Variants in DNAH2 observed in about 807,000 individuals in gnomAD.
The protein encoded by DNAH2 is dynein axonemal heavy chain 2, also known as axonemal beta dynein heavy chain 2.
In DNAH2, 323 loss-of-function variants were observed where a neutral mutation model predicts 523.5. The observed-to-expected ratio is 0.62, with a 90% CI of 0.56 to 0.68. The LOEUF is 0.68. Among genes scored for constraint, DNAH2 ranks in the 30% least tolerant of loss-of-function variants. The pLI is 0.00. For synonymous variants in DNAH2, 2,093 were observed against 2,177.4 expected, an observed-to-expected ratio of 0.96 and a Z score of 1.08; for missense variants, 4,907 against 5,701.5, an observed-to-expected ratio of 0.86 and a Z score of 4.49.
rs375080867 is a variant in DNAH2, at chr17:7,799,497, A to G, written c.8699+255A>G. On this transcript the variant is annotated intron_variant, in intron 56 of 85. Coordinates refer to ENST00000572933, the MANE Select transcript of DNAH2 (RefSeq NM_020877.5). ...GGTGGCTTTTTGGTTTTGTTTTGTC[A>G]TTGTAAATCTAATTGTGGTTAAAAA... Among the ~76,000 whole-genome samples the G allele has an allele frequency of 9.2e-5, 14 of 152,114 alleles. No homozygotes were observed. The East Asian group carries it at 2.3e-3, about 25-fold the overall frequency.
rs772662820 is a variant in DNAH2, at chr17:7,787,054, C to T, written c.6603+21C>T. 3.1e-6 allele frequency: 5 copies of T among 1,612,768 alleles called. No individual in the cohort carries two copies. The South Asian group carries it at 3.3e-5, about 11-fold the overall frequency. ...AGCAGGTCAGGGACGCGGCTGACTCCTGGAGGCCTGCAGAGGCAGGCACCG... is the reference window on the plus strand; with the variant it reads ...AGCAGGTCAGGGACGCGGCTGACTCTTGGAGGCCTGCAGAGGCAGGCACCG... On this transcript the variant is annotated intron_variant, in intron 42 of 85. Coordinates refer to ENST00000572933, the MANE Select transcript of DNAH2 (RefSeq NM_020877.5).
rs1343030453 is a variant in DNAH2, at chr17:7,727,371, C to T, written c.399+79C>T. The T allele has an allele frequency of 7.2e-6, 11 of 1,530,452 alleles. No individual in the cohort carries two copies. In the Admixed American group the frequency reaches 1.2e-4, roughly 16 times the overall value. The allele number at this position is 1,530,452 out of a possible 1,614,324, so 94.8% of individuals were successfully genotyped here. ...CTCAGTTCCTTCATCATCCTTAAGT[C>T]TTGTCATCTCCTGTGCCCACGGCCT... On this transcript the variant is annotated intron_variant, in intron 4 of 85. Transcript: ENST00000572933.
chr17:7,781,080 G>C lies in DNAH2; in HGVS notation c.6042G>C (p.Lys2014Asn), dbSNP rs764071091. Residue 2014 changes from lysine to asparagine, a missense_variant, in exon 39 of 86, where the codon AAG becomes AAC. This residue lies in a region of DNAH2 where 2,806 missense variants were observed against 3,190.8 expected (regional missense o/e 0.88). Transcript: ENST00000572933. Reference protein sequence around the residue: ...LLSMRDMNIAKLTSVDAPLFN... With the variant: ...LLSMRDMNIANLTSVDAPLFN... Reference sequence around the variant, plus strand: ...CAATGAGAGATATGAACATCGCCAAGCTCACTTCAGTTGATGCACCCCTGT... The same window carrying C: ...CAATGAGAGATATGAACATCGCCAACCTCACTTCAGTTGATGCACCCCTGT... 6.2e-7 allele frequency: 1 copy of C among 1,614,098 alleles called. No homozygotes were observed.
In DNAH2 at chr17:7,787,042, C is replaced by T. The variant is rs374204386; in HGVS notation, c.6603+9C>T. The T allele has an allele frequency of 8.1e-5, 131 of 1,613,626 alleles. No homozygotes were observed. Among genetic ancestry groups the T allele is most frequent in the Middle Eastern group, 3.3e-4 (2 of 6,030 alleles). On this transcript the variant is annotated intron_variant, in intron 42 of 85. Coordinates refer to ENST00000572933, the MANE Select transcript of DNAH2 (RefSeq NM_020877.5). ...TCGCGATGCCCGAGCAGGTCAGGGA[C>T]GCGGCTGACTCCTGGAGGCCTGCAG...
intron 58 of DNAH2, 151 bp downstream of exon 58, chr17:7,802,168 G>A (rs2077241562): frequency 5.5e-6 from 6 of 1,095,252 alleles, no homozygotes; most frequent in Non-Finnish European, 7.8e-6. Flanking sequence ...CTTCCCGTGG[G>A]AGGGGCTGTC....
intron 48 of DNAH2, among the ~76,000 whole-genome samples, chr17:7,793,442 T>C (rs1425399468): frequency 1.4e-5 from 1 of 72,682 alleles, no homozygotes; most frequent in African/African-American, 4.5e-5. Context: ...TTTTTCTTTC[T>C]TTCTTTTTCT....
chr17:7,733,086 G>C lies in DNAH2; in HGVS notation c.400-1G>C. ...ACTCTGATCTGCTGTCTTCCATGCA[G>C]ACCCAGAACCAGCTTGTCTACTTCA... On this transcript the variant is annotated splice_acceptor_variant, in intron 4 of 85. Coordinates refer to ENST00000572933, the MANE Select transcript of DNAH2 (RefSeq NM_020877.5). LOFTEE classifies it high-confidence loss of function. 6.2e-7 allele frequency: 1 copy of C among 1,614,052 alleles called. No individual in the cohort carries two copies. The highest frequency in any genetic ancestry group is 8.5e-7 in the Non-Finnish European group (1 of 1,180,020).
intron 58 of DNAH2, among the ~76,000 whole-genome samples, chr17:7,803,821 AAGAG>A (rs66942102): frequency 1.3e-5 from 2 of 151,604 alleles, no homozygotes; most frequent in African/African-American, 4.9e-5. Context: ...CAAAAAAAGA[AAGAG>A]AGAGAGAGAG....
At position 7,739,798 on chromosome 17, in the gene DNAH2, C is replaced by T. The variant is rs1337083449; in HGVS notation, c.1236C>T (p.Phe412=). 1 of 1,613,986 alleles carries T rather than the reference C, an allele frequency of 6.2e-7. No homozygotes were observed. The highest frequency in any genetic ancestry group is 8.5e-7 in the Non-Finnish European group (1 of 1,179,994). Residue 412 remains phenylalanine (F), a synonymous_variant, in exon 9 of 86, where the codon TTC becomes TTT. Coordinates refer to ENST00000572933, the MANE Select transcript of DNAH2 (RefSeq NM_020877.5). ...EDGKQGPLPC[F]FGAQGPQITR... ...GCAAGCAGGGTCCCCTTCCTTGCTT[C>T]TTTGGTGCCCAGGGGCCACAGATAA...
In DNAH2 at chr17:7,786,027, A is replaced by G; in HGVS notation, c.6130-97A>G. 2 of 1,299,648 alleles carry G rather than the reference A, an allele frequency of 1.5e-6. No homozygotes were observed. Among genetic ancestry groups the G allele is most frequent in the Non-Finnish European group, 2.1e-6 (2 of 930,534 alleles). The allele number at this position is 1,299,648 out of a possible 1,614,324, so 80.5% of individuals were successfully genotyped here. A position where few individuals can be genotyped will look rare whatever the true frequency, so the allele number is the denominator to read the frequency against. The stretch of plus-strand genomic sequence containing the variant: ...AGAGGGCCCTGGTGCCATTTTTAAC[A>G]GTTTGAACGTATTCTCTCTGGCACC... On this transcript the variant is annotated intron_variant, in intron 39 of 85. Coordinates refer to ENST00000572933, the MANE Select transcript of DNAH2 (RefSeq NM_020877.5). This position sits in a 1 kb window ranked among gnomAD's most constrained non-coding sequence, Gnocchi z 7.5.
In DNAH2 at chr17:7,792,850, G is replaced by T. The variant is rs374190425; in HGVS notation, c.7339G>T (p.Ala2447Ser). ...QWSVLVVNMS[A>S]QTTSNNVQSI... is the part of the protein sequence containing the mutation. ...GTCGGTGCTCGTTGTCAACATGTCC[G>T]CACAGGTGTGTCGGGGATCCAGGGG... Residue 2447 changes from alanine (A) to serine (S), a missense_variant, in exon 47 of 86, where the codon GCA becomes TCA. By Grantham distance (99) the Ala-to-Ser change is moderately conservative. Coordinates refer to ENST00000572933, the MANE Select transcript of DNAH2 (RefSeq NM_020877.5). The T allele has an allele frequency of 6.2e-7, 1 of 1,613,042 alleles. No homozygotes were observed. The highest frequency in any genetic ancestry group is 1.3e-5 in the African/African-American group (1 of 74,900).
rs568297425 is a variant in DNAH2 at position 7,718,657 on chromosome 17, T to A, written c.-157T>A. 3 of 152,828 alleles carry A rather than the reference T, an allele frequency of 2.0e-5. No individual in the cohort carries two copies. The highest frequency in any genetic ancestry group is 7.2e-5 in the African/African-American group (3 of 41,580). The allele number at this position is 152,828 out of a possible 1,614,324, so 9.5% of individuals were successfully genotyped here. A position where few individuals can be genotyped will look rare whatever the true frequency, so the allele number is the denominator to read the frequency against. ...TTTTGTCCTTCTTTCTTCCAATCTG[T>A]TCTCAGGGCATTTTGAGTCAAATAA... On this transcript the variant is annotated 5_prime_UTR_variant, in exon 1 of 86. Transcript: ENST00000572933.
rs754623153 is a variant in DNAH2, at chr17:7,780,754, G to A, written c.5975G>A (p.Arg1992His). 45 of 1,614,116 alleles carry A rather than the reference G, an allele frequency of 2.8e-5. No homozygotes were observed. The highest frequency in any genetic ancestry group is 8.9e-5 in the East Asian group (4 of 44,902). Reference protein sequence around the residue: ...SLLRYAGKKRRLQPDLTDEEV... With the variant: ...SLLRYAGKKRHLQPDLTDEEV... ...CTGCGCTATGCTGGCAAGAAGCGCC[G>A]CCTACAGCCGGATCTGACTGATGAA... Residue 1992 changes from arginine to histidine, a missense_variant, in exon 38 of 86, where the codon CGC becomes CAC. Coordinates refer to ENST00000572933, the MANE Select transcript of DNAH2 (RefSeq NM_020877.5). The surrounding 1 kb of genome is among the most constrained non-coding windows in gnomAD (Gnocchi z 4.4).
Position 7,780,033 on chromosome 17 carries a change from G to A in DNAH2, c.5723-124G>A, listed in dbSNP as rs1446918941. On this transcript the variant is annotated intron_variant, in intron 36 of 85. Coordinates refer to ENST00000572933, the MANE Select transcript of DNAH2 (RefSeq NM_020877.5). This position sits in a 1 kb window ranked among gnomAD's most constrained non-coding sequence, Gnocchi z 4.4. Reference sequence around the variant, plus strand: ...AGATGAGAAAGGATGTGGTCTTGGAGTTGGAGAGAAAGTTAGGGATGGAGT... The same window carrying A: ...AGATGAGAAAGGATGTGGTCTTGGAATTGGAGAGAAAGTTAGGGATGGAGT... The A allele has an allele frequency of 7.6e-7, 1 of 1,313,952 alleles. No individual in the cohort carries two copies. Among genetic ancestry groups the A allele is most frequent in the East Asian group, 2.3e-5 (1 of 42,780 alleles). The allele number at this position is 1,313,952 out of a possible 1,614,324, so 81.4% of individuals were successfully genotyped here. A position where few individuals can be genotyped will look rare whatever the true frequency, so the allele number is the denominator to read the frequency against.
intron 7 of DNAH2, among the ~76,000 whole-genome samples, chr17:7,735,545 C>A (rs1172969669): frequency 1.4e-5 from 2 of 146,964 alleles, no homozygotes; most frequent in Non-Finnish European, 3.0e-5. Context: ...CTCAAGGGAT[C>A]CTCCCACATC....
rs764631849 is a variant in DNAH2, at chr17:7,764,006, A to G, written c.3154A>G (p.Thr1052Ala). The G allele has an allele frequency of 6.8e-6, 11 of 1,614,172 alleles. No homozygotes were observed. The highest frequency in any genetic ancestry group is 9.3e-6 in the Non-Finnish European group (11 of 1,180,014). ...MAAGRLLELH[T>A]YLKENAEKIS... Reference sequence around the variant, plus strand: ...TGCTGGGCGCCTCCTGGAGCTGCACACCTACCTGAAGGAGAACGCAGAGAA... The same window carrying G: ...TGCTGGGCGCCTCCTGGAGCTGCACGCCTACCTGAAGGAGAACGCAGAGAA... The change falls in exon 19 of 86, where the codon ACC becomes GCC. Residue 1052 changes from threonine to alanine, a missense_variant. By Grantham distance (58) the Thr-to-Ala change is moderately conservative. This residue lies in a region of DNAH2 where 2,806 missense variants were observed against 3,190.8 expected (regional missense o/e 0.88). Transcript: ENST00000572933.
At chr17:7,756,424 C>T (rs1166269122) in intron 12 of DNAH2, among the ~76,000 whole-genome samples, 3 of 151,726 alleles carry the variant, frequency 2.0e-5, no homozygotes, top group Non-Finnish European at 4.4e-5. Context: ...TATAGGCTCA[C>T]ACTACCATGC....
In DNAH2 at chr17:7,749,309, A is replaced by ATC. The variant is rs1243088305; in HGVS notation, c.1904+6167_1904+6168insTC. On this transcript the variant is annotated intron_variant, in intron 12 of 85. Transcript: ENST00000572933. ...GGCAACAAGAGCTAAACTCCCCCCC[A>ATC]AAAAAAAAAAAAAAAAAAAAAAAAA... Among the ~76,000 whole-genome samples, 12 of 68,366 alleles carry ATC rather than the reference A, an allele frequency of 1.8e-4. 1 individual carries two copies. The highest frequency in any genetic ancestry group is 4.5e-4 in the African/African-American group (3 of 6,694). 44.9% of individuals were successfully genotyped at this position (68,366 alleles called of 152,430 possible). A position where few individuals can be genotyped will look rare whatever the true frequency, so the allele number is the denominator to read the frequency against.
Position 7,722,242 on chromosome 17 carries a change from C to T in DNAH2, c.167-1386C>T, listed in dbSNP as rs146664317. On this transcript the variant is annotated intron_variant, in intron 2 of 85. Transcript: ENST00000572933. ...CTGGTCTCGAACGCCTGACTTCGGGCGATCCACCAGCCTCAGCCTCCCAAA... is the reference window on the plus strand; with the variant it reads ...CTGGTCTCGAACGCCTGACTTCGGGTGATCCACCAGCCTCAGCCTCCCAAA... Among the ~76,000 whole-genome samples, 455 of 151,840 alleles carry T rather than the reference C, an allele frequency of 3.0e-3. 5 individuals are homozygous for T. In the South Asian group the frequency reaches 0.036, roughly 12 times the overall value.
Sources: gnomAD v4.1 joint callset for allele counts (sites outside exome capture counted in the v4.1 genomes callset) on GRCh38, gnomAD v4.1.1 for gene constraint, gnomAD v4.1.1 regional missense constraint, Gnocchi (gnomAD v3.1) non-coding constraint, MANE v1.5 for transcripts, NCBI Gene and HGNC (gene_info 2026-07-23, HGNC 2026-07-21) for gene names.